The following PRKAR1A variants were observed in gnomAD, a reference collection of about 807,000 sequenced individuals.
PRKAR1A encodes the protein protein kinase cAMP-dependent type I regulatory subunit alpha.
In PRKAR1A, 3 loss-of-function variants were observed where a neutral mutation model predicts 52.0. The observed-to-expected ratio is 0.06, with a 90% CI of 0.03 to 0.15. The LOEUF is 0.15. Ranked by LOEUF, PRKAR1A falls within the 10% of genes least tolerant of loss-of-function variation. The pLI, the probability that PRKAR1A is intolerant of heterozygous loss-of-function variation, is 1.00. For synonymous variants in PRKAR1A, 188 were observed against 168.4 expected, an observed-to-expected ratio of 1.12 and a Z score of -0.90; for missense variants, 240 against 477.4, an observed-to-expected ratio of 0.50 and a Z score of 4.63.
At chr17:68,419,688 A>G in the PRKAR1A span, among the ~76,000 whole-genome samples, 1 of 152,014 alleles carries the variant, frequency 6.6e-6, no homozygotes, top group South Asian at 2.1e-4. Flanking sequence ...GTGTGGCTGC[A>G]GTGGTTCCTG....
the PRKAR1A span, among the ~76,000 whole-genome samples, chr17:68,447,061 G>A: frequency 6.6e-6 from 1 of 152,140 alleles, no homozygotes. Flanking sequence ...TCAGCTCCTT[G>A]TCTGTTGCTT....
chr17:68,466,138 G>T, the PRKAR1A span, among the ~76,000 whole-genome samples: 1 of 152,128 alleles, frequency 6.6e-6, no homozygotes, highest in Non-Finnish European at 1.5e-5. Context: ...AATTTCACCG[G>T]CTTCTTCCTC....
At chr17:68,484,409 A>ATT in the PRKAR1A span, among the ~76,000 whole-genome samples, 2 of 149,702 alleles carry the variant, frequency 1.3e-5, no homozygotes, top group East Asian at 3.9e-4. Context: ...TAATTTTTTT[A>ATT]TTTTGACTTT....
At chr17:68,463,446 G>A in the PRKAR1A span, among the ~76,000 whole-genome samples, 1 of 152,182 alleles carries the variant, frequency 6.6e-6, no homozygotes, top group East Asian at 1.9e-4. Flanking sequence ...TGCCTGTTGT[G>A]TGCCGGTCAT....
chr17:68,490,632 A>G, the PRKAR1A span, among the ~76,000 whole-genome samples: 2 of 151,838 alleles, frequency 1.3e-5, no homozygotes, highest in East Asian at 1.9e-4. Context: ...AACTTTTCCC[A>G]GTTTTGGGGA....
At chr17:68,548,823 C>G (rs557970280) in intron 11 of PRKAR1A, among the ~76,000 whole-genome samples, 3 of 149,302 alleles carry the variant, frequency 2.0e-5, no homozygotes, top group Non-Finnish European at 3.0e-5. Context: ...AGCTCCGCCT[C>G]CCGGGTTCAC....
the PRKAR1A span, among the ~76,000 whole-genome samples, chr17:68,478,445 C>T: frequency 3.9e-5 from 6 of 152,112 alleles, no homozygotes; most frequent in Admixed American, 6.6e-5. Flanking sequence ...AGTGAGACTT[C>T]GTCTCAAAAA....
At chr17:68,521,188 C>A (rs141307051) in intron 2 of PRKAR1A, among the ~76,000 whole-genome samples, 5 of 152,140 alleles carry the variant, frequency 3.3e-5, no homozygotes, top group African/African-American at 1.2e-4. Context: ...GGTCTGCCCA[C>A]CTTGGCCTCC....
At chr17:68,486,491 TTCCTTCCTTCC>T in the PRKAR1A span, among the ~76,000 whole-genome samples, 52 of 51,186 alleles carry the variant, frequency 1.0e-3, no homozygotes, top group South Asian at 4.2e-3. Context: ...CCTTCCTTCC[TTCCTTCCTTCC>T]TTCCTTCTTT....
chr17:68,473,510 T>A, the PRKAR1A span, among the ~76,000 whole-genome samples: 1 of 151,996 alleles, frequency 6.6e-6, no homozygotes, highest in Non-Finnish European at 1.5e-5. Flanking sequence ...AATTGACCTA[T>A]TTTATTATTT....
intron 11 of PRKAR1A, among the ~76,000 whole-genome samples, chr17:68,545,112 A>G (rs1242932071): frequency 6.6e-6 from 1 of 152,258 alleles, no homozygotes. Context: ...ACTTACAGAA[A>G]AATACAAAGC....
chr17:68,523,640 C>T (rs960623738), intron 3 of PRKAR1A, 85 bp from the exon 4 acceptor site: 3 of 1,019,636 alleles, frequency 2.9e-6, no homozygotes, highest in Non-Finnish European at 4.6e-6. Context: ...CATAATGTGG[C>T]TTGACATTTA....
the PRKAR1A span, among the ~76,000 whole-genome samples, chr17:68,451,609 G>A: frequency 6.6e-6 from 1 of 152,178 alleles, no homozygotes; most frequent in Non-Finnish European, 1.5e-5. Context: ...TTCCCTGAGA[G>A]ATTTCAAAGG....
At chr17:68,416,156 T>C in the PRKAR1A span, among the ~76,000 whole-genome samples, 1 of 152,218 alleles carries the variant, frequency 6.6e-6, no homozygotes, top group South Asian at 2.1e-4. Context: ...AGAGGTTCCA[T>C]TTTGATGTGT....
At chr17:68,520,932 G>T (rs1215207670) in intron 2 of PRKAR1A, among the ~76,000 whole-genome samples, 1 of 152,022 alleles carries the variant, frequency 6.6e-6, no homozygotes, top group African/African-American at 2.4e-5. Context: ...CTGTGTGTGT[G>T]TTTTATTTTA....
At chr17:68,468,423 C>T in the PRKAR1A span, among the ~76,000 whole-genome samples, 22 of 152,210 alleles carry the variant, frequency 1.4e-4, no homozygotes, top group South Asian at 3.5e-3. Flanking sequence ...CCTGGTTTGA[C>T]GTTTTGAGTA....
chr17:68,451,554 T>C, the PRKAR1A span, among the ~76,000 whole-genome samples: 3 of 152,266 alleles, frequency 2.0e-5, no homozygotes, highest in Admixed American at 2.0e-4. Flanking sequence ...CACTGTTTGC[T>C]CTGTCAAACA....
the PRKAR1A span, among the ~76,000 whole-genome samples, chr17:68,438,185 G>A: frequency 6.6e-6 from 1 of 152,146 alleles, no homozygotes; most frequent in South Asian, 2.1e-4. Context: ...CTTATCACTT[G>A]CCATGCATAG....
chr17:68,478,068 C>T, the PRKAR1A span, among the ~76,000 whole-genome samples: 1 of 152,220 alleles, frequency 6.6e-6, no homozygotes, highest in Non-Finnish European at 1.5e-5. Flanking sequence ...ACTTGAGACA[C>T]AACTTTATGA....
Sources: allele counts gnomAD v4.1 joint callset (sites outside exome capture counted in the v4.1 genomes callset), GRCh38; gene constraint gnomAD v4.1.1; transcripts MANE v1.5; gene names NCBI Gene and HGNC (gene_info 2026-07-23, HGNC 2026-07-21).